EPB41L4A: variants seen among roughly 807,000 people sequenced by gnomAD.
The protein encoded by EPB41L4A is band 4.1-like protein 4A.
Under a neutral mutation model 108.6 loss-of-function variants are expected in EPB41L4A, and 100 were observed. The observed-to-expected ratio is 0.92, with a 90% CI of 0.78 to 1.09. The LOEUF (loss-of-function observed/expected upper bound fraction) is 1.09. Among genes scored for constraint, EPB41L4A ranks in the 50% least tolerant of loss-of-function variants. The pLI, the probability that EPB41L4A is intolerant of heterozygous loss-of-function variation, is 0.00. For synonymous variants in EPB41L4A, 319 were observed against 289.0 expected (o/e 1.10, Z -1.05); for missense variants, 1,030 against 842.7 (o/e 1.22, Z -2.75).
chr5:112,291,397 C>T (rs1580620167), intron 2 of EPB41L4A, among the ~76,000 whole-genome samples: 1 of 152,206 alleles, frequency 6.6e-6, no homozygotes, highest in South Asian at 2.1e-4. Context: ...CCAAAGAGGT[C>T]TCTTCTAACC....
At chr5:112,354,871 A>T (rs1281170677) in intron 1 of EPB41L4A, among the ~76,000 whole-genome samples, 1 of 152,218 alleles carries the variant, frequency 6.6e-6, no homozygotes, top group African/African-American at 2.4e-5. Flanking sequence ...TTTTAACTAC[A>T]TCTTTTATTA....
At chr5:112,384,789 A>G (rs1475666941) in intron 1 of EPB41L4A, among the ~76,000 whole-genome samples, 1 of 143,316 alleles carries the variant, frequency 7.0e-6, no homozygotes, top group Non-Finnish European at 1.5e-5. Context: ...GAAGGAGAAG[A>G]AAAAAAGGAA....
At chr5:112,183,896 T>C in intron 18 of EPB41L4A, 120 bp downstream of exon 18, 1 of 1,250,390 alleles carries the variant, frequency 8.0e-7, no homozygotes, top group East Asian at 2.4e-5. Context: ...AGAAGGTAAA[T>C]ATGACAAATA....
Position 112,342,017 on chromosome 5 carries a change from T to C in EPB41L4A, c.100-34527A>G, listed in dbSNP as rs548048551. ...AGTCAAATAAAACCATTTCCTCCTA[T>C]AGAATGGATCAAGAGAATTCACGAA... is the stretch of plus-strand genomic sequence containing the variant. On this transcript the variant is annotated intron_variant, in intron 1 of 22. Coordinates refer to ENST00000261486, the MANE Select transcript of EPB41L4A (RefSeq NM_022140.5). Among the ~76,000 whole-genome samples the C allele has an allele frequency of 5.3e-5, 8 of 152,278 alleles. 1 individual carries two copies. The highest frequency in any genetic ancestry group is 4.6e-4 in the Admixed American group (7 of 15,286).
intron 4 of EPB41L4A, among the ~76,000 whole-genome samples, chr5:112,274,496 G>C (rs1373825614): frequency 2.0e-5 from 3 of 152,090 alleles, no homozygotes; most frequent in African/African-American, 7.2e-5. Context: ...AAAAAAGAAA[G>C]TCTGAGACAG....
intron 12 of EPB41L4A, among the ~76,000 whole-genome samples, chr5:112,152,401 C>T (rs767440725): frequency 2.6e-5 from 4 of 152,214 alleles, no homozygotes; most frequent in East Asian, 3.9e-4. Context: ...CTCCAAAATT[C>T]GTATGTTGAA....
chr5:112,167,511 T>G (rs997090151), intron 22 of EPB41L4A, among the ~76,000 whole-genome samples: 1 of 152,096 alleles, frequency 6.6e-6, no homozygotes, highest in Non-Finnish European at 1.5e-5. Flanking sequence ...AGCTCAAAAC[T>G]GAGCCCCTCC....
chr5:112,189,024 T>C (rs1396738005), intron 17 of EPB41L4A, among the ~76,000 whole-genome samples: 1 of 152,212 alleles, frequency 6.6e-6, no homozygotes, highest in Non-Finnish European at 1.5e-5. Flanking sequence ...TGGAACATAA[T>C]TAAAATATTT....
At chr5:112,326,914 A>G (rs1465066696) in intron 1 of EPB41L4A, among the ~76,000 whole-genome samples, 1 of 152,036 alleles carries the variant, frequency 6.6e-6, no homozygotes, top group African/African-American at 2.4e-5. Flanking sequence ...AGGATTCATT[A>G]AAAAAATATT....
At position 112,272,781 on chromosome 5, in the gene EPB41L4A, CA is replaced by C. The variant is rs35621227; in HGVS notation, c.335+2544del. Among the ~76,000 whole-genome samples the C allele has an allele frequency of 3.4e-3, 311 of 90,502 alleles. 8 individuals carry two copies. The East Asian group carries it at 0.082, about 24-fold the overall frequency. 59.4% of individuals were successfully genotyped at this position (90,502 alleles called of 152,430 possible). A position where few individuals can be genotyped will look rare whatever the true frequency, so the allele number is the denominator to read the frequency against. ...GGGTGACAAGAGCAAAACTCCGTCT[CA>C]AAAAAAAAAAAAAAAAAGACTGGGT... On this transcript the variant is annotated intron_variant, in intron 4 of 22. Coordinates refer to ENST00000261486, the MANE Select transcript of EPB41L4A (RefSeq NM_022140.5).
At chr5:112,252,066 T>C (rs990234580) in intron 9 of EPB41L4A, among the ~76,000 whole-genome samples, 3 of 152,164 alleles carry the variant, frequency 2.0e-5, no homozygotes, top group Admixed American at 6.6e-5. Flanking sequence ...GTGGCTTTTT[T>C]TTGGAAGCCA....
chr5:112,351,398 A>AC (rs904139782), intron 1 of EPB41L4A, among the ~76,000 whole-genome samples: 7 of 152,176 alleles, frequency 4.6e-5, no homozygotes, highest in Admixed American at 1.3e-4. Context: ...GACACGTACA[A>AC]CCCCCCAAGA....
At chr5:112,255,081 C>T (rs1750979823) in intron 9 of EPB41L4A, among the ~76,000 whole-genome samples, 1 of 152,174 alleles carries the variant, frequency 6.6e-6, no homozygotes, top group Non-Finnish European at 1.5e-5. Flanking sequence ...TTTCCTTCCC[C>T]CTAAAACTCC....
At chr5:112,148,112 A>G (rs1008963677) in intron 12 of EPB41L4A, among the ~76,000 whole-genome samples, 4 of 147,632 alleles carry the variant, frequency 2.7e-5, no homozygotes, top group Non-Finnish European at 4.5e-5. Flanking sequence ...TAGTATTACT[A>G]TATAATATAA....
chr5:112,197,598 T>A (rs1354971109), intron 15 of EPB41L4A, among the ~76,000 whole-genome samples: 1 of 152,222 alleles, frequency 6.6e-6, no homozygotes, highest in Non-Finnish European at 1.5e-5. Flanking sequence ...AGGGTTCTTT[T>A]GCTTATCACT....
chr5:112,328,684 A>C (rs1487951049), intron 1 of EPB41L4A, among the ~76,000 whole-genome samples: 3 of 152,208 alleles, frequency 2.0e-5, no homozygotes, highest in Non-Finnish European at 4.4e-5. Flanking sequence ...GTTTTAATCA[A>C]ATCAGATTTT....
intron 5 of EPB41L4A, 111 bp from the exon 6 acceptor site, chr5:112,265,127 A>G: frequency 2.1e-6 from 2 of 959,888 alleles, no homozygotes; most frequent in African/African-American, 1.7e-5. Flanking sequence ...TCTTACTAAA[A>G]TTCACATATA....
intron 1 of EPB41L4A, among the ~76,000 whole-genome samples, chr5:112,333,988 G>C (rs915769703): frequency 6.6e-6 from 1 of 152,128 alleles, no homozygotes; most frequent in Admixed American, 6.5e-5. Context: ...CTCATCCAAG[G>C]GGACCCAGTG....
rs1266390711 is a variant in EPB41L4A at position 112,361,718 on chromosome 5, A to G, written c.100-54228T>C. On this transcript the variant is annotated intron_variant, in intron 1 of 22. Coordinates refer to ENST00000261486, the MANE Select transcript of EPB41L4A (RefSeq NM_022140.5). ...CCAAAAATGCTAAAAAAAAATAATA[A>G]TAATAATAATAATAATAAACTGACT... Among the ~76,000 whole-genome samples, 6 of 116,712 alleles carry G rather than the reference A, an allele frequency of 5.1e-5. No individual in the cohort carries two copies. The Admixed American group carries it at 5.7e-4, about 11-fold the overall frequency. The allele number at this position is 116,712 out of a possible 152,430, so 76.6% of individuals were successfully genotyped here.
Sources: allele counts gnomAD v4.1 joint callset (sites outside exome capture counted in the v4.1 genomes callset), GRCh38; gene constraint gnomAD v4.1.1; transcripts MANE v1.5; gene names NCBI Gene and HGNC (gene_info 2026-07-23, HGNC 2026-07-21).